Variants in KIF23 observed in about 807,000 individuals in gnomAD.
The protein encoded by KIF23 is kinesin family member 23.
In KIF23, 30 loss-of-function variants were observed where a neutral mutation model predicts 137.5. That is an observed-to-expected ratio of 0.22 (90% CI 0.16 to 0.30). KIF23 has a LOEUF of 0.30. KIF23 is among the 10% of genes least tolerant of loss of function. The pLI, the probability that KIF23 is intolerant of heterozygous loss-of-function variation, is 1.00. For missense variants in KIF23, 920 were observed against 1,194.3 expected (o/e 0.77, Z 3.38); for synonymous variants, 367 against 391.1 (o/e 0.94, Z 0.73).
chr15:69,445,966 G>T (rs1324083797), intron 20 of KIF23, 43 bp from the exon 21 acceptor site: 1 of 1,331,012 alleles, frequency 7.5e-7, no homozygotes, highest in Admixed American at 1.8e-5. Context: ...TTTTTCGTTT[G>T]GGTGTATCAA....
At chr15:69,427,632 A>C in intron 10 of KIF23, 1 of 342,550 alleles carries the variant, frequency 2.9e-6, no homozygotes. Context: ...CCCCATATGC[A>C]GATCACTATT....
At chr15:69,429,499 G>A (rs998665643) in intron 11 of KIF23, among the ~76,000 whole-genome samples, 8 of 152,036 alleles carry the variant, frequency 5.3e-5, no homozygotes, top group African/African-American at 1.9e-4. Flanking sequence ...TAGAGGTGGG[G>A]TCTCCTTATG....
chr15:69,415,648 G>C (rs751142629), intron 1 of KIF23, among the ~76,000 whole-genome samples: 13 of 152,146 alleles, frequency 8.5e-5, no homozygotes, highest in Non-Finnish European at 1.6e-4. Context: ...GAAGTTAATC[G>C]CTTGTCAGTC....
At chr15:69,427,010 C>G (rs138262354) in intron 10 of KIF23, among the ~76,000 whole-genome samples, 4 of 151,872 alleles carry the variant, frequency 2.6e-5, no homozygotes, top group Admixed American at 6.6e-5. Flanking sequence ...TGGGTGCGTG[C>G]GTGGCTCATG....
chr15:69,437,408 G>A (rs1370375032), intron 15 of KIF23, among the ~76,000 whole-genome samples: 4 of 150,240 alleles, frequency 2.7e-5, no homozygotes, highest in East Asian at 3.9e-4. Flanking sequence ...CTGTAGAACA[G>A]TAAATTCTGG....
At chr15:69,414,652 C>T in intron 1 of KIF23, 176 bp downstream of exon 1, 1 of 646,078 alleles carries the variant, frequency 1.5e-6, no homozygotes. Context: ...GGCCGCTCCG[C>T]GGGAGCCTGG....
chr15:69,414,559 C>T, intron 1 of KIF23, 83 bp downstream of exon 1: 1 of 1,286,980 alleles, frequency 7.8e-7, no homozygotes, highest in Non-Finnish European at 9.9e-7. Context: ...TCCACTCAGG[C>T]CGCGGCCGTA....
chr15:69,423,358 C>T (rs1440198109), intron 7 of KIF23, 29 bp downstream of exon 7: 1 of 1,459,578 alleles, frequency 6.9e-7, no homozygotes, highest in Admixed American at 2.5e-5. Context: ...CCCTTCTTAG[C>T]TGTTAATGTT....
rs762235059 is a variant in KIF23 at position 69,436,633 on chromosome 15, A to G, written c.1508A>G (p.Asn503Ser). Residue 503 changes from asparagine to serine, a missense_variant, in exon 15 of 24, where the codon AAC (asparagine) becomes AGC (serine). Asn to Ser is a conservative substitution (Grantham distance 46). This residue lies in a region of KIF23 where 714 missense variants were observed against 866.2 expected (regional missense o/e 0.82). Transcript: ENST00000679126. Reference protein sequence around the residue: ...PLPSCEILDINDEQTLPRLIE... With the variant: ...PLPSCEILDISDEQTLPRLIE... ...CCATCATGCGAAATTTTGGATATCA[A>G]CGATGAGCAGACACTTCCAAGGCTG... is the stretch of plus-strand genomic sequence containing the variant. 23 of 1,612,552 alleles carry G rather than the reference A, an allele frequency of 1.4e-5. No homozygotes were observed. Among genetic ancestry groups the G allele is most frequent in the East Asian group, 6.7e-5 (3 of 44,858 alleles).
chr15:69,422,457 C>T (rs1045319897), intron 6 of KIF23, 22 bp downstream of exon 6: 3 of 1,326,878 alleles, frequency 2.3e-6, no homozygotes. Flanking sequence ...TATTTGTCTG[C>T]AGCACTGGCC....
chr15:69,444,062 G>A lies in KIF23; in HGVS notation c.2422-728G>A, dbSNP rs888463521. 1 of 151,948 alleles carries A rather than the reference G, an allele frequency of 6.6e-6. No individual in the cohort carries two copies. The highest frequency in any genetic ancestry group is 2.4e-5 in the African/African-American group (1 of 41,346). 9.4% of individuals were successfully genotyped at this position (151,948 alleles called of 1,614,324 possible). On this transcript the variant is annotated intron_variant, in intron 19 of 23. Transcript: ENST00000679126. The surrounding 1 kb of genome is among the most constrained non-coding windows in gnomAD (Gnocchi z 4.2). ...TGAGTTCAAGTGATTCCTCCACCTC[G>A]GCCTTCCAAAGTGCTGATTACAGGC...
At chr15:69,423,430 G>T in intron 7 of KIF23, 101 bp downstream of exon 7, 1 of 719,214 alleles carries the variant, frequency 1.4e-6, no homozygotes, top group South Asian at 2.5e-5. Context: ...AATAATGCTT[G>T]CATTTGTTTT....
At chr15:69,426,709 G>A in intron 10 of KIF23, 1 of 405,758 alleles carries the variant, frequency 2.5e-6, no homozygotes, top group Non-Finnish European at 4.4e-6. Context: ...GACAGAGTGA[G>A]ACCCTGTCTT....
At chr15:69,439,343 A>G (rs1299364461) in intron 16 of KIF23, among the ~76,000 whole-genome samples, 1 of 152,070 alleles carries the variant, frequency 6.6e-6, no homozygotes, top group Non-Finnish European at 1.5e-5. Context: ...AAATGATTAA[A>G]TGAAATGGTA....
chr15:69,421,733 C>T lies in KIF23; in HGVS notation c.297C>T (p.Asp99=), dbSNP rs370109100. The T allele has an allele frequency of 4.3e-6, 7 of 1,612,312 alleles. No individual in the cohort carries two copies. The highest frequency in any genetic ancestry group is 2.7e-5 in the African/African-American group (2 of 74,878). ...TTGTGGCTAATCCCTTGGTCAATGA[C>T]CTCATTCATGGCAAAAATGGTATGA... ...FDVVANPLVN[D]LIHGKNGLLF... is the part of the protein sequence containing the mutation. Residue 99 remains aspartate, a synonymous_variant, in exon 4 of 24, where the codon GAC becomes GAT. Transcript: ENST00000679126.
rs1419998909 is a variant in KIF23, at chr15:69,429,197, C to G, written c.1098C>G (p.Asn366Lys). 6.2e-7 allele frequency: 1 copy of G among 1,611,242 alleles called. No homozygotes were observed. ...CTAACCGGACCAGAGCAGAAGGGAA[C>G]AGATTACGTGAAGCTGGTGAGTAAA... ...ERTNRTRAEG[N>K]RLREAGNINQ... Residue 366 changes from asparagine to lysine, a missense_variant, in exon 11 of 24, where the codon AAC becomes AAG. Physicochemically the swap from Asn to Lys is moderately conservative, Grantham distance 94. This residue lies in a region of KIF23 where 714 missense variants were observed against 866.2 expected (regional missense o/e 0.82). Coordinates refer to ENST00000679126, the MANE Select transcript of KIF23 (RefSeq NM_001367805.3).
In KIF23 at chr15:69,417,436, A is replaced by C. The variant is rs2056945275; in HGVS notation, c.135A>C (p.Glu45Asp). Reference protein sequence around the residue: ...LGFPDQECCIEVINNTTVQLH... With the variant: ...LGFPDQECCIDVINNTTVQLH... ...TTCCTGATCAAGAGTGTTGCATAGA[A>C]GTGATCAATAATACAACTGTTCAGC... Residue 45 changes from glutamate (E) to aspartate (D), a missense_variant, in exon 3 of 24, where the codon GAA (glutamate) becomes GAC (aspartate). Around this residue, in one of 4 missense-constraint regions of KIF23, gnomAD observed 124 missense variants for 122.0 expected, o/e 1.02. Coordinates refer to ENST00000679126, the MANE Select transcript of KIF23 (RefSeq NM_001367805.3). 6.2e-7 allele frequency: 1 copy of C among 1,613,780 alleles called. No homozygotes were observed. The highest frequency in any genetic ancestry group is 8.5e-7 in the Non-Finnish European group (1 of 1,179,854).
intron 10 of KIF23, among the ~76,000 whole-genome samples, chr15:69,426,958 A>G (rs1452096987): frequency 6.6e-6 from 1 of 152,142 alleles, no homozygotes; most frequent in East Asian, 1.9e-4. Context: ...TGTATTAGAT[A>G]TTATAAGTAC....
At chr15:69,426,282 G>A (rs1257380957) in intron 9 of KIF23, 54 bp from the exon 10 acceptor site, 4 of 1,608,648 alleles carry the variant, frequency 2.5e-6, no homozygotes, top group Admixed American at 1.7e-5. Context: ...TAGAAAGCAT[G>A]TATAATGAAA....
Sources: gnomAD v4.1 joint callset for allele counts (sites outside exome capture counted in the v4.1 genomes callset) on GRCh38, gnomAD v4.1.1 for gene constraint, gnomAD v4.1.1 regional missense constraint, Gnocchi (gnomAD v3.1) non-coding constraint, MANE v1.5 for transcripts, NCBI Gene and HGNC (gene_info 2026-07-23, HGNC 2026-07-21) for gene names.